DCC: variants seen among roughly 807,000 people sequenced by gnomAD.
The protein encoded by DCC is DCC netrin 1 receptor, also known as netrin receptor DCC.
Under a neutral mutation model 172.5 loss-of-function variants are expected in DCC, and 58 were observed. The ratio of observed to expected loss-of-function variants is 0.34; its 90% CI spans 0.27 to 0.42. The LOEUF is 0.42. Among genes scored for constraint, DCC ranks in the 10% least tolerant of loss-of-function variants. The pLI is 1.00. For missense variants in DCC, 1,740 were observed against 1,791.0 expected, an observed-to-expected ratio of 0.97 and a Z score of 0.51; for synonymous variants, 709 against 644.5, an observed-to-expected ratio of 1.10 and a Z score of -1.52.
chr18:53,330,172 T>A (rs570208790), intron 14 of DCC, among the ~76,000 whole-genome samples: 70 of 152,338 alleles, frequency 4.6e-4, no homozygotes, highest in Middle Eastern at 6.8e-3. Context: ...CAGGTATTTT[T>A]AAATATAACA....
intron 1 of DCC, among the ~76,000 whole-genome samples, chr18:52,608,218 G>A (rs2034176564): frequency 6.6e-6 from 1 of 152,124 alleles, no homozygotes; most frequent in Non-Finnish European, 1.5e-5. Flanking sequence ...AGTAGTAGGA[G>A]TTCCGTCCCA....
intron 12 of DCC, among the ~76,000 whole-genome samples, chr18:53,260,241 G>T (rs553692422): frequency 6.6e-6 from 1 of 152,210 alleles, no homozygotes; most frequent in South Asian, 2.1e-4. Flanking sequence ...TTTGGTTGCT[G>T]GTGAGGAGCT....
At chr18:52,695,683 A>G (rs562937948) in intron 1 of DCC, among the ~76,000 whole-genome samples, 17 of 152,206 alleles carry the variant, frequency 1.1e-4, no homozygotes, top group Admixed American at 1.1e-3. Context: ...CTAGTGGAAG[A>G]TGGATAACTG....
At chr18:52,750,351 T>C (rs1221700701) in intron 1 of DCC, among the ~76,000 whole-genome samples, 3 of 152,212 alleles carry the variant, frequency 2.0e-5, no homozygotes, top group Non-Finnish European at 4.4e-5. Context: ...GGATGTACTA[T>C]AATTGGGTTG....
chr18:53,309,655 A>T (rs1053628569), intron 13 of DCC, among the ~76,000 whole-genome samples: 1 of 152,108 alleles, frequency 6.6e-6, no homozygotes, highest in Non-Finnish European at 1.5e-5. Context: ...TCTAATCAGC[A>T]TGAGGTAACC....
chr18:52,974,553 CT>C (rs1436991956), intron 5 of DCC, among the ~76,000 whole-genome samples: 4 of 152,144 alleles, frequency 2.6e-5, no homozygotes, highest in African/African-American at 9.7e-5. Context: ...GATTATTTTG[CT>C]TGAAAAGCCA....
At chr18:53,156,486 CAA>C (rs71175558) in intron 7 of DCC, among the ~76,000 whole-genome samples, 2,600 of 96,722 alleles carry the variant, frequency 0.027, 71 homozygotes, top group African/African-American at 0.085. Flanking sequence ...CCATCTCAAC[CAA>C]AAAAAAAAAA....
At chr18:52,543,702 C>G (rs1188977165) in intron 1 of DCC, among the ~76,000 whole-genome samples, 4 of 152,074 alleles carry the variant, frequency 2.6e-5, no homozygotes, top group Non-Finnish European at 1.5e-5. Context: ...AAAACAGAGC[C>G]CCCTCTGAAC....
intron 25 of DCC, among the ~76,000 whole-genome samples, chr18:53,471,531 A>C (rs918312874): frequency 1.3e-5 from 2 of 152,198 alleles, no homozygotes; most frequent in Non-Finnish European, 2.9e-5. Flanking sequence ...TAGAAACAAA[A>C]TCCACCAATT....
chr18:52,391,785 G>A (rs1986038962), intron 1 of DCC, among the ~76,000 whole-genome samples: 1 of 152,114 alleles, frequency 6.6e-6, no homozygotes, highest in Admixed American at 6.5e-5. Flanking sequence ...CATATCCCTG[G>A]ATCTATTGGG....
At chr18:52,879,116 ATTAC>A (rs2145399810) in intron 2 of DCC, among the ~76,000 whole-genome samples, 1 of 152,296 alleles carries the variant, frequency 6.6e-6, no homozygotes, top group South Asian at 2.1e-4. Flanking sequence ...CAAATACTAT[ATTAC>A]TTGTTACTGG....
intron 27 of DCC, among the ~76,000 whole-genome samples, chr18:53,521,388 T>A (rs2046397228): frequency 6.6e-6 from 1 of 152,102 alleles, no homozygotes; most frequent in Non-Finnish European, 1.5e-5. Flanking sequence ...ATGATACACA[T>A]AGTGCAATAC....
chr18:52,952,570 G>C (rs1033176412), intron 5 of DCC, among the ~76,000 whole-genome samples: 1 of 152,138 alleles, frequency 6.6e-6, no homozygotes, highest in African/African-American at 2.4e-5. Flanking sequence ...TGTATGAAAA[G>C]CTTTCTACTC....
chr18:52,764,076 A>G (rs189136297), intron 2 of DCC, among the ~76,000 whole-genome samples: 2 of 152,366 alleles, frequency 1.3e-5, no homozygotes, highest in East Asian at 3.9e-4. Context: ...TGGTGTAATG[A>G]CTTAATCAAA....
At chr18:52,615,759 G>C (rs2144849699) in intron 1 of DCC, among the ~76,000 whole-genome samples, 1 of 152,218 alleles carries the variant, frequency 6.6e-6, no homozygotes, top group East Asian at 1.9e-4. Context: ...ACCCCTCCTA[G>C]GAGCCTGTAA....
intron 5 of DCC, among the ~76,000 whole-genome samples, chr18:52,977,090 G>T (rs2145596894): frequency 6.6e-6 from 1 of 152,100 alleles, no homozygotes; most frequent in African/African-American, 2.4e-5. Context: ...AAAATACATG[G>T]TCACACTTCT....
chr18:52,541,192 T>G (rs902965679), intron 1 of DCC, among the ~76,000 whole-genome samples: 4 of 152,158 alleles, frequency 2.6e-5, no homozygotes, highest in African/African-American at 9.7e-5. Context: ...AGCTGGAGCT[T>G]AATATTTCTA....
chr18:53,460,251 T>TGATTATA (rs1420023950), intron 24 of DCC, among the ~76,000 whole-genome samples: 1 of 139,066 alleles, frequency 7.2e-6, no homozygotes, highest in East Asian at 2.0e-4. Context: ...ACTCATAATG[T>TGATTATA]GATTATAGAA....
chr18:53,470,019 CT>C, intron 25 of DCC, among the ~76,000 whole-genome samples: 1 of 152,240 alleles, frequency 6.6e-6, no homozygotes, highest in African/African-American at 2.4e-5. Context: ...TCTTCCTACC[CT>C]TCTGGCTGCT....
Sources: allele counts gnomAD v4.1 joint callset (sites outside exome capture counted in the v4.1 genomes callset), GRCh38; gene constraint gnomAD v4.1.1; transcripts MANE v1.5; gene names NCBI Gene and HGNC (gene_info 2026-07-23, HGNC 2026-07-21).